Variants in DDX60L observed in about 807,000 individuals in gnomAD.
DDX60L encodes DExD/H-box 60 like, also known as probable ATP-dependent RNA helicase DDX60-like.
In DDX60L, 191 loss-of-function variants were observed where a neutral mutation model predicts 211.6. The observed-to-expected ratio is 0.90, with a 90% CI of 0.80 to 1.02. The LOEUF (loss-of-function observed/expected upper bound fraction) is 1.02, where lower values mean the gene tolerates loss of function less well. Ranked by LOEUF, DDX60L falls within the 50% of genes least tolerant of loss-of-function variation. DDX60L has a pLI of 0.00. For missense variants in DDX60L, 2,007 were observed against 1,984.1 expected (o/e 1.01, Z -0.22); for synonymous variants, 706 against 694.1 (o/e 1.02, Z -0.27).
chr4:168,446,171 C>A (rs1254535152), intron 9 of DDX60L, among the ~76,000 whole-genome samples: 1 of 151,850 alleles, frequency 6.6e-6, no homozygotes, highest in African/African-American at 2.4e-5. Context: ...TGATAAGCAA[C>A]TTCAGCAAAG....
At chr4:168,470,738 G>T in intron 4 of DDX60L, 1 of 168,852 alleles carries the variant, frequency 5.9e-6, no homozygotes, top group South Asian at 1.1e-4. Context: ...TACTTGGGAG[G>T]CTGAGAGAGT....
intron 36 of DDX60L, among the ~76,000 whole-genome samples, chr4:168,368,129 C>T (rs574090063): frequency 1.1e-4 from 17 of 152,342 alleles, no homozygotes; most frequent in Admixed American, 5.9e-4. Flanking sequence ...GGGTAAATGT[C>T]TCCAGGATGT....
At chr4:168,442,137 T>C (rs1196441450) in intron 9 of DDX60L, among the ~76,000 whole-genome samples, 3 of 151,856 alleles carry the variant, frequency 2.0e-5, no homozygotes, top group African/African-American at 7.3e-5. Flanking sequence ...CACAGGTCAG[T>C]GGGTGCGCGC....
intron 31 of DDX60L, 104 bp downstream of exon 31, chr4:168,379,622 C>T (rs1742578683): frequency 3.4e-6 from 4 of 1,168,794 alleles, no homozygotes; most frequent in Non-Finnish European, 4.8e-6. Context: ...TGATAAGTAA[C>T]ATTATCATTG....
At chr4:168,472,363 G>A in intron 3 of DDX60L, 92 bp downstream of exon 3, 2 of 923,596 alleles carry the variant, frequency 2.2e-6, no homozygotes, top group South Asian at 3.3e-5. Context: ...AATAGGTTGA[G>A]TGATCATGTA....
intron 8 of DDX60L, among the ~76,000 whole-genome samples, chr4:168,449,615 TA>T (rs57453358): frequency 0.021 from 373 of 17,728 alleles, 10 homozygotes; most frequent in African/African-American, 0.16. Flanking sequence ...TAGAGTATAA[TA>T]AAAAAAAAAA....
chr4:168,459,107 G>A (rs1404660370), intron 5 of DDX60L, among the ~76,000 whole-genome samples: 1 of 151,706 alleles, frequency 6.6e-6, no homozygotes, highest in Non-Finnish European at 1.5e-5. Context: ...GTCCAAAGGG[G>A]GTGAGAAAAA....
chr4:168,442,652 G>A (rs1754083172), intron 9 of DDX60L, among the ~76,000 whole-genome samples: 2 of 151,906 alleles, frequency 1.3e-5, no homozygotes, highest in South Asian at 4.2e-4. Context: ...AGAGAGCAGT[G>A]GTTCTCCCAG....
intron 4 of DDX60L, among the ~76,000 whole-genome samples, chr4:168,465,559 G>C (rs1009406494): frequency 2.6e-5 from 4 of 151,946 alleles, no homozygotes; most frequent in African/African-American, 7.3e-5. Flanking sequence ...TTCTCCATAA[G>C]ATCTTCACAC....
intron 1 of DDX60L, 25 bp from the exon 2 acceptor site, chr4:168,472,834 T>G: frequency 1.1e-6 from 1 of 906,406 alleles, no homozygotes; most frequent in Non-Finnish European, 1.7e-6. Flanking sequence ...AAAATAGAAC[T>G]GCAGTTATTC....
chr4:168,464,384 T>C (rs1332365562), intron 4 of DDX60L, among the ~76,000 whole-genome samples: 5 of 151,494 alleles, frequency 3.3e-5, no homozygotes, highest in Non-Finnish European at 7.4e-5. Context: ...CAAGAATTTA[T>C]ACATTAAAAC....
chr4:168,450,349 C>A (rs1755634969), intron 8 of DDX60L, among the ~76,000 whole-genome samples: 1 of 152,078 alleles, frequency 6.6e-6, no homozygotes, highest in Admixed American at 6.6e-5. Context: ...TCATCTCTGA[C>A]CTGACCAATC....
intron 27 of DDX60L, 33 bp from the exon 28 acceptor site, chr4:168,394,650 G>A (rs920893738): frequency 6.4e-7 from 1 of 1,553,202 alleles, no homozygotes; most frequent in Non-Finnish European, 8.7e-7. Context: ...AACAATTGAT[G>A]ATGTATTTTA....
chr4:168,442,759 AG>A (rs1361952230), intron 9 of DDX60L, among the ~76,000 whole-genome samples: 25 of 151,476 alleles, frequency 1.7e-4, no homozygotes, highest in Middle Eastern at 3.4e-3. Flanking sequence ...ACCCCCCAGC[AG>A]GGGCACACTG....
chr4:168,434,718 G>GA (rs1021605463), intron 10 of DDX60L, among the ~76,000 whole-genome samples: 6 of 152,088 alleles, frequency 3.9e-5, no homozygotes, highest in African/African-American at 1.2e-4. Context: ...AGTGTTCCTA[G>GA]AAAAAAACAA....
chr4:168,442,519 C>T (rs1397125082), intron 9 of DDX60L, among the ~76,000 whole-genome samples: 1 of 152,220 alleles, frequency 6.6e-6, no homozygotes, highest in East Asian at 1.9e-4. Flanking sequence ...CTGGGTGGAG[C>T]CCACCACAGC....
At chr4:168,392,507 C>T (rs1745011415) in intron 28 of DDX60L, among the ~76,000 whole-genome samples, 1 of 152,110 alleles carries the variant, frequency 6.6e-6, no homozygotes, top group South Asian at 2.1e-4. Flanking sequence ...GCTCAAATCA[C>T]CAAACTTTAG....
chr4:168,435,305 G>C (rs1398498699), intron 10 of DDX60L, among the ~76,000 whole-genome samples: 1 of 152,174 alleles, frequency 6.6e-6, no homozygotes, highest in Non-Finnish European at 1.5e-5. Context: ...GAAGCCACTA[G>C]AACTGTCTAT....
chr4:168,358,601 C>T (rs1469887848), intron 37 of DDX60L, among the ~76,000 whole-genome samples: 1 of 142,302 alleles, frequency 7.0e-6, no homozygotes, highest in Non-Finnish European at 1.5e-5. Context: ...GATCTGATCT[C>T]GGCTCACTGC....
Sources: allele counts gnomAD v4.1 joint callset (sites outside exome capture counted in the v4.1 genomes callset), GRCh38; gene constraint gnomAD v4.1.1; transcripts MANE v1.5; gene names NCBI Gene and HGNC (gene_info 2026-07-23, HGNC 2026-07-21).